SEMA6A: variants seen among roughly 807,000 people sequenced by gnomAD.
The protein encoded by SEMA6A is semaphorin-6A.
In SEMA6A, 25 loss-of-function variants were observed where a neutral mutation model predicts 96.8. The ratio of observed to expected loss-of-function variants is 0.26; its 90% confidence interval spans 0.19 to 0.36. The LOEUF (loss-of-function observed/expected upper bound fraction) is 0.36. Among genes scored for constraint, SEMA6A ranks in the 10% least tolerant of loss-of-function variants. The probability of loss-of-function intolerance (pLI) is 1.00; values close to 1 mark genes in which losing one functional copy is unlikely to be tolerated. For synonymous variants in SEMA6A, 612 were observed against 518.0 expected (o/e 1.18, Z -2.46); for missense variants, 1,363 against 1,323.1 (o/e 1.03, Z -0.47).
intron 1 of SEMA6A, among the ~76,000 whole-genome samples, chr5:116,525,129 A>C (rs1037838242): frequency 2.0e-5 from 3 of 152,202 alleles, no homozygotes; most frequent in African/African-American, 7.2e-5. Context: ...GGGTTGTTTA[A>C]GAAAATATTT....
intron 1 of SEMA6A, among the ~76,000 whole-genome samples, chr5:116,556,211 G>A (rs1016810811): frequency 1.3e-5 from 2 of 152,108 alleles, no homozygotes; most frequent in Non-Finnish European, 2.9e-5. Context: ...CACATAGTAG[G>A]CATGTACTAT....
At chr5:116,556,753 G>A (rs772593704) in intron 1 of SEMA6A, among the ~76,000 whole-genome samples, 2 of 152,136 alleles carry the variant, frequency 1.3e-5, no homozygotes, top group Admixed American at 6.5e-5. Context: ...GATTTTAGTT[G>A]TTCTTCCTGA....
At chr5:116,556,170 A>G (rs1015345026) in intron 1 of SEMA6A, among the ~76,000 whole-genome samples, 5 of 152,214 alleles carry the variant, frequency 3.3e-5, no homozygotes, top group African/African-American at 1.2e-4. Context: ...ATATTTTAGA[A>G]ATATCCAATA....
chr5:116,450,585 T>C lies in SEMA6A; in HGVS notation c.1895-2774A>G, dbSNP rs1329163481. Among the ~76,000 whole-genome samples the C allele has an allele frequency of 4.6e-5, 7 of 152,242 alleles. No individual in the cohort carries two copies. The East Asian group carries it at 5.8e-4, about 13-fold the overall frequency. ...ATTTTAGACTCATGAAAGCTACTTATTCTTTCACTGGGAAGAACTCTTTTT... is the reference window on the plus strand; with the variant it reads ...ATTTTAGACTCATGAAAGCTACTTACTCTTTCACTGGGAAGAACTCTTTTT... On this transcript the variant is annotated intron_variant, in intron 18 of 18. Transcript: ENST00000343348.
chr5:116,480,822 G>A (rs553554088), intron 11 of SEMA6A, among the ~76,000 whole-genome samples: 1 of 152,048 alleles, frequency 6.6e-6, no homozygotes, highest in Non-Finnish European at 1.5e-5. Context: ...TTTTATTTTT[G>A]TTTGATTTTG....
At chr5:116,465,969 G>A (rs778097070) in intron 18 of SEMA6A, among the ~76,000 whole-genome samples, 1 of 150,564 alleles carries the variant, frequency 6.6e-6, no homozygotes, top group Non-Finnish European at 1.5e-5. Flanking sequence ...TAATCTGTCC[G>A]GACAGTTTCT....
chr5:116,518,986 T>C (rs569598643), intron 1 of SEMA6A, among the ~76,000 whole-genome samples: 1 of 151,362 alleles, frequency 6.6e-6, no homozygotes, highest in South Asian at 2.1e-4. Context: ...ATAGTCTTTA[T>C]CTCTCCTAAG....
Position 116,495,543 on chromosome 5 carries a change from C to T in SEMA6A, c.343-29G>A, listed in dbSNP as rs766683993. The T allele has an allele frequency of 2.7e-6, 4 of 1,466,286 alleles. No individual in the cohort carries two copies. The South Asian group carries it at 3.6e-5, about 13-fold the overall frequency. The allele number at this position is 1,466,286 out of a possible 1,614,324, so 90.8% of individuals were successfully genotyped here. A position where few individuals can be genotyped will look rare whatever the true frequency, so the allele number is the denominator to read the frequency against. On this transcript the variant is annotated intron_variant, in intron 5 of 18. Transcript: ENST00000343348. The stretch of plus-strand genomic sequence containing the variant: ...AAAAATAATTCAAACTGTTTTGTAT[C>T]ATGTCCATTCAGTACAGAAACTGAT...
chr5:116,535,883 T>A (rs1013848689), intron 1 of SEMA6A, among the ~76,000 whole-genome samples: 1 of 152,228 alleles, frequency 6.6e-6, no homozygotes, highest in African/African-American at 2.4e-5. Context: ...AGCAAGAAGA[T>A]ATGCTGGTCA....
intron 7 of SEMA6A, among the ~76,000 whole-genome samples, chr5:116,490,124 AATT>A (rs1417072208): frequency 6.6e-6 from 1 of 152,198 alleles, no homozygotes; most frequent in Non-Finnish European, 1.5e-5. Flanking sequence ...GTCTTAAAAT[AATT>A]AAAATTTGTC....
intron 1 of SEMA6A, among the ~76,000 whole-genome samples, chr5:116,513,139 T>A (rs536461630): frequency 4.6e-5 from 7 of 151,586 alleles, no homozygotes; most frequent in African/African-American, 1.5e-4. Context: ...TTTTTTTTTT[T>A]CCCCCGCGAC....
chr5:116,500,266 G>A (rs1490564564), intron 3 of SEMA6A, among the ~76,000 whole-genome samples: 1 of 152,174 alleles, frequency 6.6e-6, no homozygotes, highest in Non-Finnish European at 1.5e-5. Flanking sequence ...ATGCAGCATA[G>A]TACAGGGAAT....
intron 1 of SEMA6A, among the ~76,000 whole-genome samples, chr5:116,525,783 G>T (rs984715357): frequency 6.6e-6 from 1 of 152,194 alleles, no homozygotes; most frequent in East Asian, 1.9e-4. Context: ...TACTTGGCTT[G>T]TAGTTCTCTT....
intron 18 of SEMA6A, among the ~76,000 whole-genome samples, chr5:116,448,665 AAG>A (rs1220641265): frequency 1.3e-5 from 2 of 151,368 alleles, no homozygotes; most frequent in African/African-American, 4.9e-5. Flanking sequence ...AACTAGAGGA[AAG>A]AGAGTGTGTG....
At chr5:116,533,450 A>G (rs1429078993) in intron 1 of SEMA6A, among the ~76,000 whole-genome samples, 1 of 152,028 alleles carries the variant, frequency 6.6e-6, no homozygotes, top group Non-Finnish European at 1.5e-5. Context: ...TAACTAGAAT[A>G]CTTGGGGGAA....
chr5:116,450,430 A>C (rs777605163), intron 18 of SEMA6A, among the ~76,000 whole-genome samples: 9 of 152,254 alleles, frequency 5.9e-5, no homozygotes, highest in Non-Finnish European at 7.3e-5. Context: ...GAACGTGGAA[A>C]GAGTAAAGCT....
intron 1 of SEMA6A, among the ~76,000 whole-genome samples, chr5:116,509,409 T>A (rs1398119136): frequency 6.6e-6 from 1 of 152,206 alleles, no homozygotes; most frequent in Non-Finnish European, 1.5e-5. Context: ...AACCAACAAT[T>A]CATGCTGTCA....
Position 116,486,545 on chromosome 5 carries a change from A to G in SEMA6A, c.962+204T>C, listed in dbSNP as rs896719568. The G allele has an allele frequency of 7.4e-6, 4 of 538,892 alleles. No individual in the cohort carries two copies. In the East Asian group the frequency reaches 9.0e-5, roughly 12 times the overall value. 33.4% of individuals were successfully genotyped at this position (538,892 alleles called of 1,614,324 possible). A position where few individuals can be genotyped will look rare whatever the true frequency, so the allele number is the denominator to read the frequency against. On this transcript the variant is annotated intron_variant, in intron 10 of 18. Coordinates refer to ENST00000343348, the MANE Select transcript of SEMA6A (RefSeq NM_020796.5). ...TAGAAGATATTGTCATAATTTATCT[A>G]ATTACTTCCCCTAAAACCTAACTTA...
At chr5:116,546,017 T>G (rs1479923280) in intron 1 of SEMA6A, among the ~76,000 whole-genome samples, 1 of 152,248 alleles carries the variant, frequency 6.6e-6, no homozygotes, top group East Asian at 1.9e-4. Flanking sequence ...GGAAACAAGA[T>G]GCTTCAGTAA....
Sources: gnomAD v4.1 joint callset for allele counts (sites outside exome capture counted in the v4.1 genomes callset) on GRCh38, gnomAD v4.1.1 for gene constraint, MANE v1.5 for transcripts, NCBI Gene and HGNC (gene_info 2026-07-23, HGNC 2026-07-21) for gene names.